GNAO1: variants seen among roughly 807,000 people sequenced by gnomAD.
GNAO1 encodes the protein G protein subunit alpha o1, also known as guanine nucleotide-binding protein G(o) subunit alpha.
For synonymous variants in GNAO1, 164 were observed against 180.7 expected, an observed-to-expected ratio of 0.91 and a Z score of 0.74; for missense variants, 166 against 478.7, an observed-to-expected ratio of 0.35 and a Z score of 6.10.
intron 3 of GNAO1, among the ~76,000 whole-genome samples, chr16:56,328,075 C>T (rs1348070280): frequency 6.6e-6 from 1 of 152,230 alleles, no homozygotes; most frequent in Middle Eastern, 3.2e-3. Context: ...AGGCACAGCC[C>T]CGCTGTGGCC....
intron 2 of GNAO1, among the ~76,000 whole-genome samples, chr16:56,260,569 G>A (rs1438368918): frequency 6.6e-6 from 1 of 152,096 alleles, no homozygotes; most frequent in Non-Finnish European, 1.5e-5. Context: ...GGAACAGCTG[G>A]GCTCTCCACA....
chr16:56,323,371 A>C (rs1478977017), intron 3 of GNAO1, among the ~76,000 whole-genome samples: 1 of 152,142 alleles, frequency 6.6e-6, no homozygotes, highest in African/African-American at 2.4e-5. Flanking sequence ...GAAAACACAC[A>C]CTGAAGATAG....
chr16:56,215,344 A>G (rs1171783128), intron 2 of GNAO1, among the ~76,000 whole-genome samples: 1 of 152,218 alleles, frequency 6.6e-6, no homozygotes, highest in Admixed American at 6.5e-5. Context: ...AAACACACAC[A>G]TGCACTACTA....
intron 2 of GNAO1, among the ~76,000 whole-genome samples, chr16:56,263,431 G>A (rs2036922891): frequency 1.3e-5 from 2 of 152,144 alleles, no homozygotes; most frequent in East Asian, 1.9e-4. Context: ...CGATATGTGG[G>A]GAAACAGATG....
intron 2 of GNAO1, among the ~76,000 whole-genome samples, chr16:56,197,502 T>C (rs1289951717): frequency 2.6e-5 from 4 of 152,228 alleles, no homozygotes; most frequent in African/African-American, 4.8e-5. Flanking sequence ...TGGCAAATAG[T>C]CCACCCGATC....
chr16:56,262,545 GT>G (rs1203692582), intron 2 of GNAO1, among the ~76,000 whole-genome samples: 2,509 of 148,886 alleles, frequency 0.017, 29 homozygotes, highest in Non-Finnish European at 0.026. Flanking sequence ...AAGGCAGGAA[GT>G]TTTTTTTTTT....
At chr16:56,337,584 G>T (rs576181240) in intron 6 of GNAO1, among the ~76,000 whole-genome samples, 43 of 152,356 alleles carry the variant, frequency 2.8e-4, no homozygotes, top group African/African-American at 1.0e-3. Context: ...TCACTGGCTT[G>T]CTGCTGAATT....
chr16:56,272,159 A>T (rs1167104016), intron 2 of GNAO1, among the ~76,000 whole-genome samples: 3 of 152,102 alleles, frequency 2.0e-5, no homozygotes, highest in Non-Finnish European at 2.9e-5. Flanking sequence ...AATACAAAAA[A>T]TTAGCCAGGC....
chr16:56,300,035 G>GTGTGTGTGTGTGTGTGTT, intron 3 of GNAO1, among the ~76,000 whole-genome samples: 1 of 96,918 alleles, frequency 1.0e-5, no homozygotes, highest in South Asian at 2.7e-4. Context: ...GTGTGTGTGT[G>GTGTGTGTGTGTGTGTGTT]TGCGCGCGCG....
chr16:56,265,824 G>A (rs756532716), intron 2 of GNAO1, among the ~76,000 whole-genome samples: 2 of 152,104 alleles, frequency 1.3e-5, no homozygotes, highest in Non-Finnish European at 2.9e-5. Flanking sequence ...ATGTGTAGCT[G>A]AGAAAAAATT....
At chr16:56,199,221 A>G (rs1280786262) in intron 2 of GNAO1, among the ~76,000 whole-genome samples, 1 of 152,250 alleles carries the variant, frequency 6.6e-6, no homozygotes, top group African/African-American at 2.4e-5. Context: ...AGTTAATTGC[A>G]GAATAGCAAC....
intron 3 of GNAO1, among the ~76,000 whole-genome samples, chr16:56,314,275 G>A (rs941308324): frequency 2.6e-5 from 4 of 152,122 alleles, no homozygotes; most frequent in African/African-American, 9.7e-5. Context: ...ATATGTCAGT[G>A]GTTTTCTTTG....
intron 4 of GNAO1, among the ~76,000 whole-genome samples, chr16:56,333,403 G>A (rs1324507504): frequency 2.6e-5 from 4 of 152,122 alleles, no homozygotes; most frequent in Admixed American, 2.0e-4. Context: ...GTAGAGATGG[G>A]GTTTCACCAT....
At chr16:56,218,017 A>G (rs116678649) in intron 2 of GNAO1, among the ~76,000 whole-genome samples, 1,812 of 152,330 alleles carry the variant, frequency 0.012, 41 homozygotes, top group African/African-American at 0.042. Context: ...GAAGATGCCA[A>G]ACAACTCACC....
intron 3 of GNAO1, among the ~76,000 whole-genome samples, chr16:56,303,195 G>A (rs566515543): frequency 1.2e-4 from 18 of 152,292 alleles, no homozygotes; most frequent in Non-Finnish European, 2.4e-4. Context: ...CCTTTTGTAT[G>A]CTGAGCTCTG....
At position 56,261,005 on chromosome 16, in the gene GNAO1, C is replaced by T. The variant is rs559553141; in HGVS notation, c.162-14926C>T. ...CAGAGGGAACCAGAAGGATGTGGCT[C>T]ACGTCCATGTAGTCAGAGATGTTTG... On this transcript the variant is annotated intron_variant, in intron 2 of 8. Coordinates refer to ENST00000262493, the MANE Select transcript of GNAO1 (RefSeq NM_020988.3). Among the ~76,000 whole-genome samples the T allele has an allele frequency of 2.6e-5, 4 of 152,314 alleles. No individual in the cohort carries two copies. The South Asian group carries it at 8.3e-4, about 32-fold the overall frequency.
intron 3 of GNAO1, among the ~76,000 whole-genome samples, chr16:56,320,035 T>C (rs868756239): frequency 9.9e-5 from 15 of 152,218 alleles, no homozygotes; most frequent in African/African-American, 3.4e-4. Context: ...CTGGTTACTA[T>C]GATAAAAATA....
intron 2 of GNAO1, among the ~76,000 whole-genome samples, chr16:56,211,176 C>T (rs1490172293): frequency 2.6e-5 from 4 of 152,096 alleles, no homozygotes; most frequent in Non-Finnish European, 5.9e-5. Flanking sequence ...TTATTGAACA[C>T]CTGTTATTTA....
rs556058539 is a variant in GNAO1 at position 56,328,726 on chromosome 16, C to T, written c.399C>T (p.Gly133=). The T allele has an allele frequency of 1.1e-5, 18 of 1,614,220 alleles. No individual in the cohort carries two copies. Among genetic ancestry groups the T allele is most frequent in the Middle Eastern group, 1.6e-4 (1 of 6,062 alleles). ...TTTCTGCCATGATGCGGCTCTGGGG[C>T]GACTCAGGAATCCAAGAGTGCTTCA... ...ELLSAMMRLW[G]DSGIQECFNR... The change falls in exon 4 of 9, where the codon GGC becomes GGT. Residue 133 remains glycine, a synonymous_variant. Coordinates refer to ENST00000262493, the MANE Select transcript of GNAO1 (RefSeq NM_020988.3).
Sources: allele counts gnomAD v4.1 joint callset (sites outside exome capture counted in the v4.1 genomes callset), GRCh38; gene constraint gnomAD v4.1.1; transcripts MANE v1.5; gene names NCBI Gene and HGNC (gene_info 2026-07-23, HGNC 2026-07-21).